The following EPC2 variants were observed in gnomAD, a reference collection of about 807,000 sequenced individuals.
EPC2 encodes the protein enhancer of polycomb homolog 2.
EPC2 carries 14 observed loss-of-function variants against 92.1 expected under a neutral mutation model. That is an observed-to-expected ratio of 0.15 (90% CI 0.10 to 0.24). The LOEUF is 0.24. Ranked by LOEUF, EPC2 falls within the 10% of genes least tolerant of loss-of-function variation. The probability of loss-of-function intolerance (pLI) is 1.00; values close to 1 mark genes in which losing one functional copy is unlikely to be tolerated. For synonymous variants in EPC2, 340 were observed against 334.7 expected (o/e 1.02, Z -0.17); for missense variants, 755 against 971.5 (o/e 0.78, Z 2.96).
At chr2:148,728,821 G>A (rs1218060409) in intron 2 of EPC2, among the ~76,000 whole-genome samples, 12 of 151,174 alleles carry the variant, frequency 7.9e-5, no homozygotes, top group East Asian at 3.9e-4. Context: ...TCACGAGGTC[G>A]GGAGATCGAG....
At chr2:148,701,153 G>A (rs1441676834) in intron 2 of EPC2, among the ~76,000 whole-genome samples, 1 of 152,120 alleles carries the variant, frequency 6.6e-6, no homozygotes, top group Non-Finnish European at 1.5e-5. Flanking sequence ...ATTAGTTCCA[G>A]GATATTTTTA....
At chr2:148,764,685 A>G (rs1683374095) in intron 6 of EPC2, among the ~76,000 whole-genome samples, 1 of 152,204 alleles carries the variant, frequency 6.6e-6, no homozygotes, top group South Asian at 2.1e-4. Flanking sequence ...GGATTACATA[A>G]TAGAGCAATC....
chr2:148,772,654 T>G (rs1683549642), intron 10 of EPC2, among the ~76,000 whole-genome samples: 1 of 152,184 alleles, frequency 6.6e-6, no homozygotes, highest in Non-Finnish European at 1.5e-5. Context: ...GTTAATTTTC[T>G]CCTAAACAAA....
At chr2:148,768,699 AT>A (rs529809050) in intron 7 of EPC2, among the ~76,000 whole-genome samples, 58 of 151,366 alleles carry the variant, frequency 3.8e-4, no homozygotes, top group Admixed American at 1.1e-3. Context: ...TGTTGTGGTG[AT>A]TTTTTTTGGC....
chr2:148,775,639 T>C (rs1188066238), intron 10 of EPC2, among the ~76,000 whole-genome samples: 1 of 3,966 alleles, frequency 2.5e-4, no homozygotes, highest in East Asian at 0.017. Context: ...TATCTTTAAT[T>C]AAATAAAATC....
chr2:148,655,088 C>A (rs993721019), intron 1 of EPC2, among the ~76,000 whole-genome samples: 1 of 152,124 alleles, frequency 6.6e-6, no homozygotes, highest in African/African-American at 2.4e-5. Flanking sequence ...TTATTTGATT[C>A]TTGAGATGTT....
At chr2:148,745,870 A>G (rs981970931) in intron 3 of EPC2, among the ~76,000 whole-genome samples, 1 of 152,114 alleles carries the variant, frequency 6.6e-6, no homozygotes, top group Non-Finnish European at 1.5e-5. Context: ...GACTTAGGCA[A>G]ACCTGCCTCT....
rs540742987 is a variant in EPC2 at position 148,678,817 on chromosome 2, A to G, written c.154-11397A>G. On this transcript the variant is annotated intron_variant, in intron 1 of 13. Coordinates refer to ENST00000258484, the MANE Select transcript of EPC2 (RefSeq NM_015630.4). ...GAGGGAGCAGGTTCCAGCCTTGGCC[A>G]GCCCAGAAAGGGGCTCCCACAGTGC... 5.9e-5 allele frequency among the ~76,000 whole-genome samples: 9 copies of G among 152,336 alleles called. No homozygotes were observed. The South Asian group carries it at 1.9e-3, about 32-fold the overall frequency.
chr2:148,723,104 C>T (rs1682416341), intron 2 of EPC2, among the ~76,000 whole-genome samples: 1 of 152,092 alleles, frequency 6.6e-6, no homozygotes, highest in Non-Finnish European at 1.5e-5. Flanking sequence ...ATAAAATAGT[C>T]TGTATATCAA....
At chr2:148,687,717 C>T (rs1002349186) in intron 1 of EPC2, among the ~76,000 whole-genome samples, 1 of 152,066 alleles carries the variant, frequency 6.6e-6, no homozygotes, top group Non-Finnish European at 1.5e-5. Context: ...CAATAGCTGC[C>T]CTGGCTTACT....
intron 1 of EPC2, among the ~76,000 whole-genome samples, chr2:148,680,805 T>G (rs1234183811): frequency 6.6e-6 from 1 of 152,174 alleles, no homozygotes; most frequent in Non-Finnish European, 1.5e-5. Flanking sequence ...AGAAGATATG[T>G]GTGAACTCAG....
intron 2 of EPC2, among the ~76,000 whole-genome samples, chr2:148,713,137 T>C (rs542340083): frequency 1.3e-5 from 2 of 152,372 alleles, no homozygotes; most frequent in South Asian, 4.1e-4. Flanking sequence ...ATGTATTTCC[T>C]CTACTTATCA....
At chr2:148,650,917 T>G (rs1031762584) in intron 1 of EPC2, among the ~76,000 whole-genome samples, 6 of 152,204 alleles carry the variant, frequency 3.9e-5, no homozygotes, top group Non-Finnish European at 7.4e-5. Flanking sequence ...GGCCGTGTAC[T>G]GAAATGTTAG....
At chr2:148,695,156 C>T (rs879445605) in intron 2 of EPC2, among the ~76,000 whole-genome samples, 3 of 152,192 alleles carry the variant, frequency 2.0e-5, no homozygotes, top group Non-Finnish European at 4.4e-5. Flanking sequence ...TAGCAGGACT[C>T]TCTTTTCTTA....
At chr2:148,677,329 T>C (rs1681287797) in intron 1 of EPC2, among the ~76,000 whole-genome samples, 2 of 152,194 alleles carry the variant, frequency 1.3e-5, no homozygotes, top group Admixed American at 6.5e-5. Flanking sequence ...CTGCCAACTC[T>C]CTTAACAAGA....
At chr2:148,780,134 G>A (rs987188418) in intron 10 of EPC2, among the ~76,000 whole-genome samples, 3 of 152,104 alleles carry the variant, frequency 2.0e-5, no homozygotes, top group African/African-American at 7.2e-5. Flanking sequence ...GATTTTGTTG[G>A]TAATTCAGTA....
At chr2:148,648,693 A>G (rs1049678735) in intron 1 of EPC2, among the ~76,000 whole-genome samples, 8 of 151,958 alleles carry the variant, frequency 5.3e-5, no homozygotes, top group African/African-American at 1.7e-4. Context: ...CTGTGTAGCT[A>G]TTGGACTATC....
chr2:148,744,398 C>G (rs994860586), intron 3 of EPC2, among the ~76,000 whole-genome samples: 2 of 151,868 alleles, frequency 1.3e-5, no homozygotes, highest in Non-Finnish European at 2.9e-5. Flanking sequence ...CAAGAATGTT[C>G]AGAATAAATA....
chr2:148,701,291 G>T (rs563744329), intron 2 of EPC2, among the ~76,000 whole-genome samples: 45 of 152,236 alleles, frequency 3.0e-4, no homozygotes, highest in Non-Finnish European at 5.4e-4. Flanking sequence ...GGACTTCCAG[G>T]ATGATGTTGC....
Sources: gnomAD v4.1 joint callset for allele counts (sites outside exome capture counted in the v4.1 genomes callset) on GRCh38, gnomAD v4.1.1 for gene constraint, MANE v1.5 for transcripts, NCBI Gene and HGNC (gene_info 2026-07-23, HGNC 2026-07-21) for gene names.